The following IQGAP2 variants were observed in gnomAD, a reference collection of about 807,000 sequenced individuals.
The protein encoded by IQGAP2 is IQ motif containing GTPase activating protein 2.
IQGAP2 carries 173 observed loss-of-function variants against 201.3 expected under a neutral mutation model. The observed-to-expected ratio is 0.86, with a 90% CI of 0.76 to 0.98. The LOEUF (loss-of-function observed/expected upper bound fraction) is 0.98, where lower values mean the gene tolerates loss of function less well. Ranked by LOEUF, IQGAP2 falls within the 50% of genes least tolerant of loss-of-function variation. IQGAP2 has a pLI of 0.00. For synonymous variants in IQGAP2, 675 were observed against 673.9 expected (o/e 1.00, Z -0.03); for missense variants, 1,687 against 1,864.8 (o/e 0.90, Z 1.76).
chr5:76,580,311 G>A (rs975068416), intron 5 of IQGAP2, among the ~76,000 whole-genome samples: 5 of 150,064 alleles, frequency 3.3e-5, no homozygotes, highest in Admixed American at 6.7e-5. Context: ...GGTGGCACAC[G>A]CCTGTAGTCC....
chr5:76,524,552 G>C (rs1474949420), intron 2 of IQGAP2, among the ~76,000 whole-genome samples: 1 of 152,168 alleles, frequency 6.6e-6, no homozygotes, highest in Admixed American at 6.5e-5. Flanking sequence ...AGGCATAAAT[G>C]GGGAGGCCAT....
chr5:76,627,555 G>C, intron 14 of IQGAP2, 55 bp downstream of exon 14: 1 of 923,324 alleles, frequency 1.1e-6, no homozygotes, highest in South Asian at 1.4e-5. Flanking sequence ...TTGGTTATGT[G>C]CCTGAAGTCA....
Position 76,707,648 on chromosome 5 carries a change from A to G in IQGAP2, c.*335A>G, listed in dbSNP as rs185366183. On this transcript the variant is annotated 3_prime_UTR_variant, in exon 36 of 36. Coordinates refer to ENST00000274364, the MANE Select transcript of IQGAP2 (RefSeq NM_006633.5). ...GACAAACATGTAAACCTATTTTCCTATGAAAAAAATTTTAAATGTCCCACT... is the reference window on the plus strand; with the variant it reads ...GACAAACATGTAAACCTATTTTCCTGTGAAAAAAATTTTAAATGTCCCACT... The G allele has an allele frequency of 6.0e-5, 11 of 183,914 alleles. No homozygotes were observed. Among genetic ancestry groups the G allele is most frequent in the African/African-American group, 2.1e-4 (9 of 42,724 alleles). 11.4% of individuals were successfully genotyped at this position (183,914 alleles called of 1,614,324 possible).
At position 76,699,961 on chromosome 5, in the gene IQGAP2, CTCTA is replaced by C. The variant is rs1325512519; in HGVS notation, c.4368-1113_4368-1110del. Among the ~76,000 whole-genome samples, 5 of 125,842 alleles carry C rather than the reference CTCTA, an allele frequency of 4.0e-5. 1 individual carries two copies. The East Asian group carries it at 7.1e-4, about 18-fold the overall frequency. 82.6% of individuals were successfully genotyped at this position (125,842 alleles called of 152,430 possible). Reference sequence around the variant, plus strand: ...TCTCTCTCACTCTCGTGCTCTCTCTCTCTATATATATATATATACAAAAATACAC... The same window carrying C: ...TCTCTCTCACTCTCGTGCTCTCTCTCTATATATATATATACAAAAATACAC... On this transcript the variant is annotated intron_variant, in intron 33 of 35. Coordinates refer to ENST00000274364, the MANE Select transcript of IQGAP2 (RefSeq NM_006633.5).
At chr5:76,589,756 C>T (rs1746514511) in intron 7 of IQGAP2, 28 bp downstream of exon 7, 1 of 1,311,238 alleles carries the variant, frequency 7.6e-7, no homozygotes, top group East Asian at 2.4e-5. Context: ...CCAAACTTGC[C>T]ATGGATGTGA....
intron 2 of IQGAP2, among the ~76,000 whole-genome samples, chr5:76,526,119 C>T (rs918558879): frequency 6.6e-6 from 1 of 152,228 alleles, no homozygotes; most frequent in African/African-American, 2.4e-5. Context: ...TAGCCTTTTA[C>T]TGGCTGTACC....
chr5:76,476,244 C>T lies in IQGAP2; in HGVS notation c.146+14575C>T, dbSNP rs892115115. On this transcript the variant is annotated intron_variant, in intron 2 of 35. Transcript: ENST00000274364. Reference sequence around the variant, plus strand: ...AGCAGAGGCAGGCCTGGGAGGAAGGCAGCAATTGTGGCAAGAAAGGAAAAG... The same window carrying T: ...AGCAGAGGCAGGCCTGGGAGGAAGGTAGCAATTGTGGCAAGAAAGGAAAAG... 2.6e-5 allele frequency among the ~76,000 whole-genome samples: 4 copies of T among 152,056 alleles called. No individual in the cohort carries two copies. In the South Asian group the frequency reaches 8.3e-4, roughly 32 times the overall value.
intron 16 of IQGAP2, among the ~76,000 whole-genome samples, chr5:76,639,886 G>C (rs1348421608): frequency 6.6e-6 from 1 of 151,984 alleles, no homozygotes; most frequent in Non-Finnish European, 1.5e-5. Context: ...TAATTTTGAA[G>C]AAAAAAATGA....
At chr5:76,562,614 C>T in intron 3 of IQGAP2, 62 bp downstream of exon 3, 1 of 1,417,956 alleles carries the variant, frequency 7.1e-7, no homozygotes, top group Non-Finnish European at 9.8e-7. Context: ...ATTTCATATC[C>T]TCTCCCTTCT....
At chr5:76,482,130 C>T (rs1218244225) in intron 2 of IQGAP2, among the ~76,000 whole-genome samples, 1 of 152,194 alleles carries the variant, frequency 6.6e-6, no homozygotes, top group African/African-American at 2.4e-5. Flanking sequence ...ACAAGTAGCG[C>T]ATGGGATGCA....
chr5:76,472,445 C>T (rs1275066482), intron 2 of IQGAP2, among the ~76,000 whole-genome samples: 5 of 152,116 alleles, frequency 3.3e-5, no homozygotes, highest in African/African-American at 1.2e-4. Flanking sequence ...GGAAGGAACA[C>T]TTATTAAGGA....
chr5:76,663,112 C>G (rs947145868), intron 21 of IQGAP2, among the ~76,000 whole-genome samples: 21 of 152,214 alleles, frequency 1.4e-4, no homozygotes, highest in African/African-American at 5.1e-4. Flanking sequence ...GCCATTTAGG[C>G]AAGACCTGAC....
At chr5:76,670,022 C>T (rs532359083) in intron 23 of IQGAP2, among the ~76,000 whole-genome samples, 1 of 152,128 alleles carries the variant, frequency 6.6e-6, no homozygotes, top group Non-Finnish European at 1.5e-5. Flanking sequence ...GAGGTTTCAC[C>T]ATGTTGGCCA....
chr5:76,705,954 AGAGTTGATT>A, intron 35 of IQGAP2, among the ~76,000 whole-genome samples: 1 of 152,324 alleles, frequency 6.6e-6, no homozygotes, highest in African/African-American at 2.4e-5. Context: ...TTTTAAAAAG[AGAGTTGATT>A]TCCTTTGTTT....
At chr5:76,467,116 G>A (rs1188728921) in intron 2 of IQGAP2, among the ~76,000 whole-genome samples, 1 of 152,162 alleles carries the variant, frequency 6.6e-6, no homozygotes, top group Non-Finnish European at 1.5e-5. Flanking sequence ...GCTGGATGTG[G>A]TGGCACATGC....
In IQGAP2 at chr5:76,695,650, T is replaced by C; in HGVS notation, c.4190T>C (p.Leu1397Pro). Residue 1397 changes from leucine to proline, a missense_variant, in exon 32 of 36, where the codon CTC (leucine) becomes CCC (proline). Leu to Pro is a moderately conservative substitution (Grantham distance 98, BLOSUM62 -3). Transcript: ENST00000274364. ...VSSENKYQDI[L>P]NEIAKDIRNQ... is the part of the protein sequence containing the mutation. ...TCCGAAAATAAATACCAAGACATTC[T>C]CAATGAGATTGCCAAGGTTTTTGGA... The C allele has an allele frequency of 6.2e-7, 1 of 1,613,684 alleles. No individual in the cohort carries two copies. The highest frequency in any genetic ancestry group is 2.2e-5 in the East Asian group (1 of 44,874).
Position 76,403,655 on chromosome 5 carries a change from T to C in IQGAP2, c.46+64T>C, listed in dbSNP as rs1750634018. The stretch of plus-strand genomic sequence containing the variant: ...GGGAGCTCCCTCCCCGAGGACGGCG[T>C]TGGAGAAGCCGAGGGAGCCGGTTGC... On this transcript the variant is annotated intron_variant, in intron 1 of 35. Transcript: ENST00000274364. The surrounding 1 kb of genome is among the most constrained non-coding windows in gnomAD (Gnocchi z 4.8). 2.2e-6 allele frequency: 3 copies of C among 1,351,796 alleles called. No homozygotes were observed. Among genetic ancestry groups the C allele is most frequent in the African/African-American group, 1.5e-5 (1 of 64,986 alleles). 83.7% of individuals were successfully genotyped at this position (1,351,796 alleles called of 1,614,324 possible). A position where few individuals can be genotyped will look rare whatever the true frequency, so the allele number is the denominator to read the frequency against.
chr5:76,628,763 C>G (rs1195844036), intron 14 of IQGAP2: 1 of 454,830 alleles, frequency 2.2e-6, no homozygotes, highest in Non-Finnish European at 4.4e-6. Context: ...GTGTGTATTT[C>G]TCTAACCTGA....
rs1434900956 is a variant in IQGAP2 at position 76,590,478 on chromosome 5, A to G, written c.711A>G (p.Leu237=). Residue 237 remains leucine (L), a synonymous_variant, in exon 8 of 36, where the codon CTA becomes CTG. Transcript: ENST00000274364. ...TAGCAGAGCAAACCGTTGTAACACT[A>G]AGAAACCCAAATGCGGTTTTAACTT... ...KGIAEQTVVT[L]RNPNAVLTLV... The G allele has an allele frequency of 3.1e-6, 5 of 1,614,004 alleles. No individual in the cohort carries two copies. The highest frequency in any genetic ancestry group is 4.2e-6 in the Non-Finnish European group (5 of 1,179,892).
Sources: allele counts gnomAD v4.1 joint callset (sites outside exome capture counted in the v4.1 genomes callset), GRCh38; gene constraint gnomAD v4.1.1; non-coding constraint Gnocchi (gnomAD v3.1); transcripts MANE v1.5; gene names NCBI Gene and HGNC (gene_info 2026-07-23, HGNC 2026-07-21).